Variants in ADAM12 observed in about 807,000 individuals in gnomAD.
ADAM12 encodes the protein ADAM metallopeptidase domain 12.
Under a neutral mutation model 106.4 loss-of-function variants are expected in ADAM12, and 70 were observed. The observed-to-expected ratio is 0.66, with a 90% confidence interval of 0.54 to 0.80. ADAM12 has a LOEUF of 0.80. ADAM12 is among the 30% of genes least tolerant of loss of function. ADAM12 has a pLI of 0.00. For synonymous variants in ADAM12, 420 were observed against 433.5 expected (o/e 0.97, Z 0.39); for missense variants, 1,010 against 1,171.9 (o/e 0.86, Z 2.02).
At chr10:126,207,851 T>C (rs1404338930) in intron 3 of ADAM12, among the ~76,000 whole-genome samples, 1 of 152,224 alleles carries the variant, frequency 6.6e-6, no homozygotes, top group Non-Finnish European at 1.5e-5. Flanking sequence ...CAGGATATAT[T>C]GTTGATAAGA....
chr10:126,101,212 C>T lies in ADAM12; in HGVS notation c.771G>A (p.Val257=), dbSNP rs953615722. The stretch of plus-strand genomic sequence containing the variant: ...CATTCCACACTTCCACGCCTACCAA[C>T]ACGATCCGAATGTTCAGTGGTCTGT... ...KFYRPLNIRI[V]LVGVEVWNDM... The change falls in exon 9 of 23, where the codon GTG becomes GTA. Residue 257 remains valine, a synonymous_variant. Coordinates refer to ENST00000448723, the MANE Select transcript of ADAM12 (RefSeq NM_001288973.2). 1 of 1,614,054 alleles carries T rather than the reference C, an allele frequency of 6.2e-7. No individual in the cohort carries two copies. The highest frequency in any genetic ancestry group is 8.5e-7 in the Non-Finnish European group (1 of 1,180,032).
intron 12 of ADAM12, among the ~76,000 whole-genome samples, chr10:126,071,236 G>A (rs907962276): frequency 6.6e-6 from 1 of 152,144 alleles, no homozygotes; most frequent in Non-Finnish European, 1.5e-5. Context: ...TGCTGAGAAT[G>A]CTGTACCCTT....
intron 3 of ADAM12, among the ~76,000 whole-genome samples, chr10:126,253,146 T>C (rs756678986): frequency 7.9e-5 from 12 of 152,224 alleles, no homozygotes; most frequent in Non-Finnish European, 1.6e-4. Flanking sequence ...TGAAGTATTC[T>C]TCCAAACCCA....
intron 3 of ADAM12, among the ~76,000 whole-genome samples, chr10:126,164,220 A>AG (rs1228221794): frequency 1.3e-5 from 2 of 152,224 alleles, no homozygotes; most frequent in African/African-American, 4.8e-5. Flanking sequence ...GTATTGTTGG[A>AG]GGGTTTAATT....
intron 1 of ADAM12, among the ~76,000 whole-genome samples, chr10:126,353,577 T>G (rs1461618739): frequency 6.6e-6 from 1 of 152,244 alleles, no homozygotes; most frequent in African/African-American, 2.4e-5. Flanking sequence ...TATCATTTTT[T>G]CCATTTAGTT....
At chr10:126,177,032 G>A (rs1451685478) in intron 3 of ADAM12, among the ~76,000 whole-genome samples, 1 of 134,224 alleles carries the variant, frequency 7.5e-6, no homozygotes, top group Admixed American at 7.5e-5. Context: ...GTATGTGTGT[G>A]TGCACATGTG....
chr10:126,367,851 T>C (rs758367388), intron 1 of ADAM12, among the ~76,000 whole-genome samples: 71 of 151,928 alleles, frequency 4.7e-4, no homozygotes, highest in Non-Finnish European at 8.3e-4. Flanking sequence ...CTATTAGACA[T>C]TTAAGAGAGA....
intron 20 of ADAM12, 83 bp from the exon 21 acceptor site, chr10:126,036,408 A>C: frequency 9.9e-5 from 141 of 1,430,042 alleles, no homozygotes; most frequent in Non-Finnish European, 1.2e-4. Flanking sequence ...GTGCTAACTC[A>C]TCTGTTATAG....
At position 126,014,312 on chromosome 10, in the gene ADAM12, G is replaced by GTTTTTTTTTTTTTTTTTTTTTTTTTTTTT. The variant is rs145629858; in HGVS notation, c.*2966_*2967insAAAAAAAAAAAAAAAAAAAAAAAAAAAAA. On this transcript the variant is annotated 3_prime_UTR_variant, in exon 23 of 23. Coordinates refer to ENST00000448723, the MANE Select transcript of ADAM12 (RefSeq NM_001288973.2). ...AGAACATTTTGACACAGTTTTAGCC[G>GTTTTTTTTTTTTTTTTTTTTTTTTTTTTT]GTTTTTTTTTTTTTTTTTTTTTTTT... The GTTTTTTTTTTTTTTTTTTTTTTTTTTTTT allele has an allele frequency of 1.1e-5, 1 of 87,672 alleles. No homozygotes were observed. The allele number at this position is 87,672 out of a possible 1,614,324, so 5.4% of individuals were successfully genotyped here.
intron 3 of ADAM12, chr10:126,273,539 C>CA (rs1565183395): frequency 6.6e-6 from 1 of 151,990 alleles, no homozygotes; most frequent in Non-Finnish European, 1.5e-5. Context: ...ACTCTACACT[C>CA]AAAGATTTTA....
intron 16 of ADAM12, 100 bp from the exon 17 acceptor site, chr10:126,046,232 C>A: frequency 9.1e-7 from 1 of 1,100,546 alleles, no homozygotes. Context: ...CAAAAGAAAG[C>A]TTGGAGAAGA....
At chr10:126,200,133 C>A (rs866029923) in intron 3 of ADAM12, among the ~76,000 whole-genome samples, 36 of 152,086 alleles carry the variant, frequency 2.4e-4, no homozygotes, top group African/African-American at 7.7e-4. Context: ...CAGGGTCTGA[C>A]CTGGGCCACA....
At chr10:126,075,757 T>C (rs1955088777) in intron 11 of ADAM12, among the ~76,000 whole-genome samples, 1 of 152,102 alleles carries the variant, frequency 6.6e-6, no homozygotes, top group African/African-American at 2.4e-5. Context: ...AACAGTCTGC[T>C]CTTCCTGCAG....
chr10:126,285,901 C>A (rs12220042), intron 2 of ADAM12, among the ~76,000 whole-genome samples: 30,840 of 151,962 alleles, frequency 0.2, 3,557 homozygotes, highest in South Asian at 0.33. Flanking sequence ...CTAGGGCATC[C>A]CAGTGAACTG....
At chr10:126,354,980 A>T (rs1011220293) in intron 1 of ADAM12, among the ~76,000 whole-genome samples, 1 of 152,204 alleles carries the variant, frequency 6.6e-6, no homozygotes, top group African/African-American at 2.4e-5. Context: ...GACCCACAAG[A>T]GTTCTTATGT....
chr10:126,100,896 C>A (rs1358274702), intron 9 of ADAM12, among the ~76,000 whole-genome samples, 176 bp downstream of exon 9: 3 of 152,178 alleles, frequency 2.0e-5, no homozygotes, highest in Admixed American at 6.5e-5. Context: ...TCCTAGCAGA[C>A]CTTCAGTTCC....
chr10:126,204,102 C>G (rs2133824785), intron 3 of ADAM12, among the ~76,000 whole-genome samples: 1 of 152,328 alleles, frequency 6.6e-6, no homozygotes, highest in South Asian at 2.1e-4. Flanking sequence ...CCCCCAGCTC[C>G]TATCTCCAGC....
chr10:126,350,747 C>T (rs1288304608), intron 1 of ADAM12, among the ~76,000 whole-genome samples: 1 of 152,218 alleles, frequency 6.6e-6, no homozygotes, highest in Non-Finnish European at 1.5e-5. Flanking sequence ...TGATTCATCC[C>T]ATTCTACTGA....
At chr10:126,142,429 C>T (rs1445118634) in intron 4 of ADAM12, among the ~76,000 whole-genome samples, 1 of 152,220 alleles carries the variant, frequency 6.6e-6, no homozygotes, top group African/African-American at 2.4e-5. Flanking sequence ...TTATCTGCAG[C>T]AGGAGCATGT....
Sources: gnomAD v4.1 joint callset for allele counts (sites outside exome capture counted in the v4.1 genomes callset) on GRCh38, gnomAD v4.1.1 for gene constraint, MANE v1.5 for transcripts, NCBI Gene and HGNC (gene_info 2026-07-23, HGNC 2026-07-21) for gene names.